RBFOX1: variants seen among roughly 807,000 people sequenced by gnomAD.
RBFOX1 encodes RNA binding protein fox-1 homolog 1.
Under a neutral mutation model 57.7 loss-of-function variants are expected in RBFOX1, and 8 were observed. The ratio of observed to expected loss-of-function variants is 0.14; its 90% CI spans 0.08 to 0.25. The LOEUF is 0.25. Ranked by LOEUF, RBFOX1 falls within the 10% of genes least tolerant of loss-of-function variation. RBFOX1 has a pLI of 1.00. For synonymous variants in RBFOX1, 326 were observed against 222.4 expected, an observed-to-expected ratio of 1.47 and a Z score of -4.15; for missense variants, 611 against 548.5, an observed-to-expected ratio of 1.11 and a Z score of -1.14.
At chr16:7,666,790 A>G (rs1041973139) in intron 13 of RBFOX1, among the ~76,000 whole-genome samples, 1 of 152,210 alleles carries the variant, frequency 6.6e-6, no homozygotes, top group Admixed American at 6.5e-5. Flanking sequence ...TATTCAGGGA[A>G]GAAAGCCACA....
At chr16:7,410,433 G>T (rs1358601946) in intron 4 of RBFOX1, among the ~76,000 whole-genome samples, 3 of 152,236 alleles carry the variant, frequency 2.0e-5, no homozygotes, top group Non-Finnish European at 2.9e-5. Flanking sequence ...TGTAATCCCA[G>T]CACTTTGGGA....
chr16:5,990,114 T>A (rs1430730337), intron 4 of RBFOX1, among the ~76,000 whole-genome samples: 1 of 152,020 alleles, frequency 6.6e-6, no homozygotes, highest in African/African-American at 2.4e-5. Flanking sequence ...GCCTCTGGAG[T>A]AGCTGGGACT....
intron 3 of RBFOX1, among the ~76,000 whole-genome samples, chr16:5,669,030 G>C (rs1405236833): frequency 6.6e-6 from 1 of 152,132 alleles, no homozygotes; most frequent in Non-Finnish European, 1.5e-5. Flanking sequence ...TCCACCCATT[G>C]GTACTGTCTG....
chr16:6,887,012 G>GAAA (rs2064210253), intron 3 of RBFOX1, among the ~76,000 whole-genome samples: 2 of 152,076 alleles, frequency 1.3e-5, no homozygotes. Context: ...TCCACTTTCT[G>GAAA]GTTTGATTAT....
chr16:6,863,765 T>C (rs957427581), intron 3 of RBFOX1, among the ~76,000 whole-genome samples: 1 of 102,748 alleles, frequency 9.7e-6, no homozygotes, highest in Non-Finnish European at 1.9e-5. Context: ...CAAAACCAAA[T>C]ACAACCTTAC....
intron 4 of RBFOX1, among the ~76,000 whole-genome samples, chr16:7,213,524 C>G (rs1380955868): frequency 6.6e-6 from 1 of 150,968 alleles, no homozygotes; most frequent in Non-Finnish European, 1.5e-5. Flanking sequence ...TGGTGCATGG[C>G]TTTTCCTAAT....
In RBFOX1 at chr16:7,597,306, T is replaced by C. The variant is rs928369623; in HGVS notation, c.562-65T>C. ...AATAAGTAATCACGGTCATAATGCA[T>C]GCAACTAATTGAATTGGGAGCTGGC... On this transcript the variant is annotated intron_variant, in intron 8 of 15. Transcript: ENST00000550418. The C allele has an allele frequency of 3.3e-6, 4 of 1,203,640 alleles. No homozygotes were observed. The African/African-American group carries it at 4.6e-5, about 14-fold the overall frequency. The allele number at this position is 1,203,640 out of a possible 1,614,324, so 74.6% of individuals were successfully genotyped here. A position where few individuals can be genotyped will look rare whatever the true frequency, so the allele number is the denominator to read the frequency against.
intron 4 of RBFOX1, among the ~76,000 whole-genome samples, chr16:5,926,920 G>A (rs987594186): frequency 1.3e-5 from 2 of 152,174 alleles, no homozygotes; most frequent in East Asian, 3.9e-4. Flanking sequence ...AGTTTGGGAA[G>A]GCAAGTAGGT....
chr16:5,626,161 T>G (rs1567315325), intron 3 of RBFOX1, among the ~76,000 whole-genome samples: 1 of 152,218 alleles, frequency 6.6e-6, no homozygotes, highest in Non-Finnish European at 1.5e-5. Flanking sequence ...ATTACAGGCG[T>G]GAGCCACCAC....
At chr16:5,861,581 G>C (rs1395109218) in intron 3 of RBFOX1, among the ~76,000 whole-genome samples, 4 of 152,184 alleles carry the variant, frequency 2.6e-5, no homozygotes. Flanking sequence ...TTATGCATTT[G>C]GTTCTATTTG....
chr16:6,302,102 G>C (rs1599386238), intron 1 of RBFOX1, among the ~76,000 whole-genome samples: 1 of 152,110 alleles, frequency 6.6e-6, no homozygotes, highest in African/African-American at 2.4e-5. Context: ...ATGTCCTGTG[G>C]CTTCATCCAC....
At chr16:6,882,017 A>G (rs1181038503) in intron 3 of RBFOX1, among the ~76,000 whole-genome samples, 4 of 152,290 alleles carry the variant, frequency 2.6e-5, no homozygotes, top group African/African-American at 9.6e-5. Context: ...AAAATCACCA[A>G]AGACTCTAGA....
At chr16:7,018,008 A>C (rs1245852796) in intron 3 of RBFOX1, among the ~76,000 whole-genome samples, 3 of 152,200 alleles carry the variant, frequency 2.0e-5, no homozygotes, top group East Asian at 3.9e-4. Context: ...GGAATTTTAC[A>C]AAATATCATT....
intron 14 of RBFOX1, among the ~76,000 whole-genome samples, chr16:7,677,710 T>C (rs1416797896): frequency 6.6e-6 from 1 of 152,196 alleles, no homozygotes; most frequent in Non-Finnish European, 1.5e-5. Flanking sequence ...CATGCACAAA[T>C]GTCATTGAGG....
At chr16:5,635,733 G>A (rs1416655569) in intron 3 of RBFOX1, among the ~76,000 whole-genome samples, 3 of 152,050 alleles carry the variant, frequency 2.0e-5, no homozygotes, top group East Asian at 3.9e-4. Flanking sequence ...TGCCATCTTG[G>A]GTGCATTTGT....
chr16:5,398,578 G>C (rs1377153143), intron 1 of RBFOX1, among the ~76,000 whole-genome samples: 1 of 152,062 alleles, frequency 6.6e-6, no homozygotes, highest in Non-Finnish European at 1.5e-5. Context: ...GTGTGTGTGT[G>C]TGTGTGTGTG....
At chr16:7,189,821 T>A (rs904646773) in intron 4 of RBFOX1, among the ~76,000 whole-genome samples, 13 of 152,224 alleles carry the variant, frequency 8.5e-5, no homozygotes, top group African/African-American at 2.9e-4. Flanking sequence ...CCTCCAGCTT[T>A]CTGGAAGAAT....
intron 3 of RBFOX1, among the ~76,000 whole-genome samples, chr16:5,659,923 C>G (rs912997422): frequency 6.6e-6 from 1 of 152,144 alleles, no homozygotes; most frequent in East Asian, 1.9e-4. Context: ...GCTGCTGGAT[C>G]TTGTTATTTA....
chr16:6,185,919 C>T (rs970488196), intron 1 of RBFOX1, among the ~76,000 whole-genome samples: 2 of 152,062 alleles, frequency 1.3e-5, no homozygotes, highest in African/African-American at 4.8e-5. Flanking sequence ...GGTGTGTTAC[C>T]CTCCTTAGAG....
Sources: allele counts gnomAD v4.1 joint callset (sites outside exome capture counted in the v4.1 genomes callset), GRCh38; gene constraint gnomAD v4.1.1; transcripts MANE v1.5; gene names NCBI Gene and HGNC (gene_info 2026-07-23, HGNC 2026-07-21).